MRPS28: variants seen among roughly 807,000 people sequenced by gnomAD.
MRPS28 encodes mitochondrial ribosomal protein S28, also known as small ribosomal subunit protein bS1m.
In MRPS28, 7 loss-of-function variants were observed where a neutral mutation model predicts 10.8. The ratio of observed to expected loss-of-function variants is 0.65; its 90% CI spans 0.37 to 1.22. The LOEUF is 1.22. Among genes scored for constraint, MRPS28 ranks in the 50% most tolerant of loss-of-function variants. The pLI is 0.02. For synonymous variants in MRPS28, 121 were observed against 93.3 expected, an observed-to-expected ratio of 1.30 and a Z score of -1.71; for missense variants, 265 against 232.9, an observed-to-expected ratio of 1.14 and a Z score of -0.90.
intron 2 of MRPS28, among the ~76,000 whole-genome samples, chr8:79,991,085 G>A (rs997526088): frequency 1.3e-5 from 2 of 151,992 alleles, no homozygotes; most frequent in Admixed American, 6.6e-5. Context: ...ACAGAGGAAA[G>A]GGCAGATTTC....
At chr8:79,940,312 T>G (rs985630682) in intron 2 of MRPS28, among the ~76,000 whole-genome samples, 2 of 152,242 alleles carry the variant, frequency 1.3e-5, no homozygotes, top group African/African-American at 4.8e-5. Context: ...GAGGCATTAT[T>G]GTACATATCA....
intron 2 of MRPS28, among the ~76,000 whole-genome samples, chr8:79,976,580 C>T (rs1408138537): frequency 6.6e-6 from 1 of 152,020 alleles, no homozygotes; most frequent in African/African-American, 2.4e-5. Context: ...GTGTCATGCA[C>T]CTGTAGCCCC....
chr8:79,985,522 C>A (rs1410983100), intron 2 of MRPS28, among the ~76,000 whole-genome samples: 1 of 152,106 alleles, frequency 6.6e-6, no homozygotes, highest in Non-Finnish European at 1.5e-5. Flanking sequence ...AATTGATAGA[C>A]CGCTAGCAAG....
chr8:79,983,164 G>A (rs367974502), intron 2 of MRPS28, among the ~76,000 whole-genome samples: 2 of 152,036 alleles, frequency 1.3e-5, no homozygotes, highest in Non-Finnish European at 1.5e-5. Flanking sequence ...AGGCAAACAG[G>A]GTCTGGAGTG....
intron 1 of MRPS28, among the ~76,000 whole-genome samples, chr8:80,016,006 A>G (rs1257744888): frequency 6.6e-6 from 1 of 152,174 alleles, no homozygotes; most frequent in African/African-American, 2.4e-5. Context: ...CAAAGAGAAA[A>G]AAGATTGAGG....
chr8:79,955,474 T>C (rs955574491), intron 2 of MRPS28, among the ~76,000 whole-genome samples: 3 of 152,140 alleles, frequency 2.0e-5, no homozygotes, highest in African/African-American at 7.2e-5. Context: ...CCAAACTTTC[T>C]TCCACTATAT....
Position 79,935,969 on chromosome 8 carries a change from T to C in MRPS28, c.396-16821A>G, listed in dbSNP as rs150060117. On this transcript the variant is annotated intron_variant, in intron 2 of 2. Coordinates refer to ENST00000276585, the MANE Select transcript of MRPS28 (RefSeq NM_014018.3). ...TGCTCCCTAGACAAAAGAAAAAAAATCCTCTAGTGCACTGATAATCACAAA... is the reference window on the plus strand; with the variant it reads ...TGCTCCCTAGACAAAAGAAAAAAAACCCTCTAGTGCACTGATAATCACAAA... Among the ~76,000 whole-genome samples, 468 of 151,758 alleles carry C rather than the reference T, an allele frequency of 3.1e-3. 3 individuals carry two copies. The highest frequency in any genetic ancestry group is 6.8e-3 in the Middle Eastern group (2 of 294).
intron 1 of MRPS28, among the ~76,000 whole-genome samples, chr8:80,028,483 C>A (rs1368322620): frequency 1.3e-5 from 2 of 152,006 alleles, no homozygotes; most frequent in Non-Finnish European, 2.9e-5. Context: ...CCTCCCCCTA[C>A]AAAGACATCC....
chr8:79,972,311 G>A (rs1206122800), intron 2 of MRPS28, among the ~76,000 whole-genome samples: 2 of 152,092 alleles, frequency 1.3e-5, no homozygotes, highest in African/African-American at 4.8e-5. Flanking sequence ...ATGGATTTTG[G>A]TGTCTGTGGG....
chr8:79,928,549 T>C (rs1034950934), intron 2 of MRPS28, among the ~76,000 whole-genome samples: 32 of 151,820 alleles, frequency 2.1e-4, no homozygotes, highest in Non-Finnish European at 3.8e-4. Flanking sequence ...AAGAAATTCT[T>C]GTGCCTCAGC....
intron 1 of MRPS28, among the ~76,000 whole-genome samples, chr8:80,005,178 C>A (rs1006960406): frequency 6.6e-6 from 1 of 151,986 alleles, no homozygotes; most frequent in Non-Finnish European, 1.5e-5. Context: ...CCAAGACACA[C>A]AATTATCAGA....
chr8:79,989,295 T>C (rs1808287805), intron 2 of MRPS28, among the ~76,000 whole-genome samples: 1 of 152,228 alleles, frequency 6.6e-6, no homozygotes, highest in Non-Finnish European at 1.5e-5. Flanking sequence ...CTTGAATCAG[T>C]TGAAATTTCA....
At chr8:79,972,500 A>G (rs372751890) in intron 2 of MRPS28, among the ~76,000 whole-genome samples, 5 of 152,326 alleles carry the variant, frequency 3.3e-5, no homozygotes, top group East Asian at 1.9e-4. Flanking sequence ...TCTTAGGTAT[A>G]TATGTAGGAA....
intron 1 of MRPS28, among the ~76,000 whole-genome samples, chr8:80,025,734 T>A (rs1809479381): frequency 6.6e-6 from 1 of 152,134 alleles, no homozygotes; most frequent in Non-Finnish European, 1.5e-5. Context: ...TTGAATCTCA[T>A]AAAAATCTCA....
intron 2 of MRPS28, among the ~76,000 whole-genome samples, chr8:79,936,470 C>G (rs2129915089): frequency 6.6e-6 from 1 of 152,206 alleles, no homozygotes; most frequent in South Asian, 2.1e-4. Context: ...TGTTTTATAC[C>G]AATTTGTCCA....
rs1809997385 is a variant in MRPS28 at position 79,918,990 on chromosome 8, T to C, written c.554A>G (p.His185Arg). The change falls in exon 3 of 3, where the codon CAT becomes CGT. Residue 185 changes from histidine to arginine, a missense_variant. Transcript: ENST00000276585. ...SKDSRSKEEH[H>R]EK Reference sequence around the variant, plus strand: ...CTAAGCAAAGTTCATTTATTTTTCATGATGTTCTTCTTTCGATCTTGAGTC... The same window carrying C: ...CTAAGCAAAGTTCATTTATTTTTCACGATGTTCTTCTTTCGATCTTGAGTC... 8 of 1,551,174 alleles carry C rather than the reference T, an allele frequency of 5.2e-6. No individual in the cohort carries two copies. The highest frequency in any genetic ancestry group is 2.3e-5 in the East Asian group (1 of 43,876).
chr8:79,928,567 G>A (rs960242188), intron 2 of MRPS28, among the ~76,000 whole-genome samples: 3 of 151,880 alleles, frequency 2.0e-5, no homozygotes, highest in African/African-American at 2.4e-5. Flanking sequence ...AGCCTCCCAA[G>A]TAGCTGGGAT....
chr8:80,026,791 G>C (rs994564851), intron 1 of MRPS28, among the ~76,000 whole-genome samples: 5 of 151,982 alleles, frequency 3.3e-5, no homozygotes, highest in African/African-American at 1.2e-4. Context: ...TTTTTTGTTT[G>C]GTTTTGGGCT....
chr8:79,958,561 C>T (rs563184721), intron 2 of MRPS28: 5 of 565,838 alleles, frequency 8.8e-6, no homozygotes, highest in African/African-American at 1.9e-5. Context: ...AAGAGAGTCA[C>T]TAATTGATTT....
Sources: allele counts gnomAD v4.1 joint callset (sites outside exome capture counted in the v4.1 genomes callset), GRCh38; gene constraint gnomAD v4.1.1; transcripts MANE v1.5; gene names NCBI Gene and HGNC (gene_info 2026-07-23, HGNC 2026-07-21).